GUCY1A2: variants seen among roughly 807,000 people sequenced by gnomAD.
GUCY1A2 encodes guanylate cyclase soluble subunit alpha-2.
In GUCY1A2, 27 loss-of-function variants were observed where a neutral mutation model predicts 63.5. That is an observed-to-expected ratio of 0.43 (90% CI 0.31 to 0.59). The LOEUF is 0.59. Among genes scored for constraint, GUCY1A2 ranks in the 20% least tolerant of loss-of-function variants. The pLI is 0.11. For missense variants in GUCY1A2, 768 were observed against 913.3 expected, an observed-to-expected ratio of 0.84 and a Z score of 2.05; for synonymous variants, 364 against 343.5, an observed-to-expected ratio of 1.06 and a Z score of -0.66.
rs1243385154 is a variant in GUCY1A2 at position 106,908,160 on chromosome 11, C to T, written c.1206+31300G>A. ...GATATTAGGCAAATGGCATTGGGGT[C>T]CCTCATTAAAATCTTAAAAGAGAAA... On this transcript the variant is annotated intron_variant, in intron 4 of 7. Coordinates refer to ENST00000526355, the MANE Select transcript of GUCY1A2 (RefSeq NM_000855.3). Among the ~76,000 whole-genome samples the T allele has an allele frequency of 2.0e-5, 3 of 151,956 alleles. No homozygotes were observed. In the East Asian group the frequency reaches 5.8e-4, roughly 29 times the overall value.
intron 6 of GUCY1A2, among the ~76,000 whole-genome samples, chr11:106,710,311 A>T (rs1249635274): frequency 4.1e-3 from 36 of 8,798 alleles, no homozygotes; most frequent in South Asian, 9.1e-3. Context: ...TATTATATAC[A>T]TGTATATAAT....
intron 3 of GUCY1A2, among the ~76,000 whole-genome samples, chr11:106,962,332 A>G (rs1480006357): frequency 6.6e-6 from 1 of 152,026 alleles, no homozygotes; most frequent in Non-Finnish European, 1.5e-5. Flanking sequence ...CAGGTGGATC[A>G]TGAGGTCAGG....
chr11:106,785,076 C>T lies in GUCY1A2; in HGVS notation c.1693-8494G>A, dbSNP rs561901598. ...AGGTCATCTCATCTCTTAATGCCCA[C>T]CATCATTTTTAGATGTGGGTAGCTT... On this transcript the variant is annotated intron_variant, in intron 5 of 7. Coordinates refer to ENST00000526355, the MANE Select transcript of GUCY1A2 (RefSeq NM_000855.3). Among the ~76,000 whole-genome samples the T allele has an allele frequency of 2.6e-5, 4 of 152,284 alleles. No homozygotes were observed. The South Asian group carries it at 8.3e-4, about 32-fold the overall frequency.
In GUCY1A2 at chr11:106,685,331, T is replaced by C. The variant is rs1488339852; in HGVS notation, c.*2218A>G. 4.8e-6 allele frequency: 1 copy of C among 210,062 alleles called. No homozygotes were observed. The highest frequency in any genetic ancestry group is 9.7e-6 in the Non-Finnish European group (1 of 103,554). The allele number at this position is 210,062 out of a possible 1,614,324, so 13.0% of individuals were successfully genotyped here. A position where few individuals can be genotyped will look rare whatever the true frequency, so the allele number is the denominator to read the frequency against. ...TTCTCTCCAGGCCTATCACTAGTAT[T>C]GAGGTGGATTTCCAATGATGCTTTT... On this transcript the variant is annotated 3_prime_UTR_variant, in exon 8 of 8. Coordinates refer to ENST00000526355, the MANE Select transcript of GUCY1A2 (RefSeq NM_000855.3).
intron 4 of GUCY1A2, among the ~76,000 whole-genome samples, 192 bp from the exon 5 acceptor site, chr11:106,810,670 T>C (rs894043803): frequency 3.9e-5 from 6 of 152,142 alleles, no homozygotes; most frequent in Admixed American, 3.9e-4. Flanking sequence ...ACAATTGTTT[T>C]ATATCTCACT....
chr11:106,681,320 T>G lies in GUCY1A2; in HGVS notation c.*6229A>C, dbSNP rs1862428475. On this transcript the variant is annotated 3_prime_UTR_variant, in exon 8 of 8. Transcript: ENST00000526355. ...AGACCATATCAAACCAACATTTGAA[T>G]AAATCTGCCGCAAGACCCATCTATA... The G allele has an allele frequency of 4.4e-6, 1 of 225,290 alleles. No individual in the cohort carries two copies. Among genetic ancestry groups the G allele is most frequent in the Non-Finnish European group, 8.9e-6 (1 of 112,952 alleles). 14.0% of individuals were successfully genotyped at this position (225,290 alleles called of 1,614,324 possible). A position where few individuals can be genotyped will look rare whatever the true frequency, so the allele number is the denominator to read the frequency against.
intron 3 of GUCY1A2, among the ~76,000 whole-genome samples, chr11:106,950,956 T>C (rs1157744149): frequency 6.6e-6 from 1 of 152,186 alleles, no homozygotes. Flanking sequence ...GTGTTCTCAA[T>C]GTTCAACTCC....
intron 1 of GUCY1A2, among the ~76,000 whole-genome samples, chr11:107,016,719 C>T (rs1325096419): frequency 6.7e-6 from 1 of 148,290 alleles, no homozygotes; most frequent in Admixed American, 6.7e-5. Flanking sequence ...AAGTACAGAG[C>T]GGTTTAAATA....
At chr11:106,746,739 A>AGGGG in intron 6 of GUCY1A2, 2 of 629,478 alleles carry the variant, frequency 3.2e-6, no homozygotes, top group Non-Finnish European at 5.5e-6. Flanking sequence ...TATAGCCATG[A>AGGGG]TTTTGTAGTT....
rs1862444274 is a variant in GUCY1A2, at chr11:106,682,224, A to G, written c.*5325T>C. The G allele has an allele frequency of 1.4e-5, 3 of 212,152 alleles. No individual in the cohort carries two copies. The highest frequency in any genetic ancestry group is 1.9e-4 in the South Asian group (1 of 5,310). 13.1% of individuals were successfully genotyped at this position (212,152 alleles called of 1,614,324 possible). A position where few individuals can be genotyped will look rare whatever the true frequency, so the allele number is the denominator to read the frequency against. The stretch of plus-strand genomic sequence containing the variant: ...TAAAATTTGTGAAAGAAATAATGGT[A>G]TGAGGCCTAGAGTATTTAACTTTTC... On this transcript the variant is annotated 3_prime_UTR_variant, in exon 8 of 8. Transcript: ENST00000526355.
rs1440031523 is a variant in GUCY1A2 at position 106,684,538 on chromosome 11, A to G, written c.*3011T>C. 5.1e-6 allele frequency: 1 copy of G among 196,594 alleles called. No individual in the cohort carries two copies. Among genetic ancestry groups the G allele is most frequent in the Non-Finnish European group, 1.1e-5 (1 of 94,682 alleles). The allele number at this position is 196,594 out of a possible 1,614,324, so 12.2% of individuals were successfully genotyped here. On this transcript the variant is annotated 3_prime_UTR_variant, in exon 8 of 8. Coordinates refer to ENST00000526355, the MANE Select transcript of GUCY1A2 (RefSeq NM_000855.3). Reference sequence around the variant, plus strand: ...CATATTGGGGGATTCTGATTTTGTTAGATAACTGATTTATTTGCAAATGAT... The same window carrying G: ...CATATTGGGGGATTCTGATTTTGTTGGATAACTGATTTATTTGCAAATGAT...
chr11:106,771,123 C>T (rs1864247730), intron 6 of GUCY1A2, among the ~76,000 whole-genome samples: 1 of 151,994 alleles, frequency 6.6e-6, no homozygotes, highest in Non-Finnish European at 1.5e-5. Context: ...AGCCTTAAAT[C>T]GTGAAAATGC....
intron 4 of GUCY1A2, among the ~76,000 whole-genome samples, chr11:106,912,797 T>C (rs1025369600): frequency 6.6e-6 from 1 of 152,150 alleles, no homozygotes; most frequent in Admixed American, 6.6e-5. Flanking sequence ...TGCCCTTTAA[T>C]GAAACCTTCT....
intron 6 of GUCY1A2, among the ~76,000 whole-genome samples, chr11:106,735,537 T>C (rs908815122): frequency 6.6e-6 from 1 of 152,178 alleles, no homozygotes; most frequent in Non-Finnish European, 1.5e-5. Flanking sequence ...TATTAATTTG[T>C]CTGTGGACAG....
At chr11:106,748,916 A>T (rs1263642416) in intron 6 of GUCY1A2, among the ~76,000 whole-genome samples, 1 of 152,074 alleles carries the variant, frequency 6.6e-6, no homozygotes, top group African/African-American at 2.4e-5. Context: ...CAAGGGTATT[A>T]TTTCATAAAT....
Position 106,677,759 on chromosome 11 carries a change from A to C in GUCY1A2, c.*9790T>G. Reference sequence around the variant, plus strand: ...AACAGACCTAATTTTGATGTAAGCAAAGTCTGATTTTTGTGTCTCTTTCCA... The same window carrying C: ...AACAGACCTAATTTTGATGTAAGCACAGTCTGATTTTTGTGTCTCTTTCCA... On this transcript the variant is annotated 3_prime_UTR_variant, in exon 8 of 8. Transcript: ENST00000526355. 9.5e-6 allele frequency: 2 copies of C among 210,802 alleles called. No individual in the cohort carries two copies. Among genetic ancestry groups the C allele is most frequent in the Non-Finnish European group, 1.9e-5 (2 of 103,738 alleles). The allele number at this position is 210,802 out of a possible 1,614,324, so 13.1% of individuals were successfully genotyped here. A position where few individuals can be genotyped will look rare whatever the true frequency, so the allele number is the denominator to read the frequency against.
At chr11:106,745,214 T>C (rs1371315824) in intron 6 of GUCY1A2, among the ~76,000 whole-genome samples, 1 of 152,206 alleles carries the variant, frequency 6.6e-6, no homozygotes, top group Non-Finnish European at 1.5e-5. Context: ...CTAGTTTCTG[T>C]ATTTTTATTT....
chr11:106,698,138 T>TTTTTTTTTTA (rs1555020237), intron 7 of GUCY1A2, among the ~76,000 whole-genome samples: 3 of 145,860 alleles, frequency 2.1e-5, no homozygotes, highest in Admixed American at 6.8e-5. Flanking sequence ...TTTTTTTTTT[T>TTTTTTTTTTA]AGACAGGGTC....
intron 4 of GUCY1A2, among the ~76,000 whole-genome samples, chr11:106,924,404 T>G (rs1232953456): frequency 6.6e-6 from 1 of 152,178 alleles, no homozygotes; most frequent in East Asian, 1.9e-4. Context: ...ACAGAGCCTA[T>G]CATAATACTT....
Sources: allele counts gnomAD v4.1 joint callset (sites outside exome capture counted in the v4.1 genomes callset), GRCh38; gene constraint gnomAD v4.1.1; transcripts MANE v1.5; gene names NCBI Gene and HGNC (gene_info 2026-07-23, HGNC 2026-07-21).